NELL1: variants seen among roughly 807,000 people sequenced by gnomAD.
The protein encoded by NELL1 is neural EGFL like 1.
A neutral mutation model predicts 107.4 loss-of-function variants in NELL1; 76 were observed. The ratio of observed to expected loss-of-function variants is 0.71; its 90% confidence interval spans 0.59 to 0.86. The LOEUF (loss-of-function observed/expected upper bound fraction) is 0.86. Ranked by LOEUF, NELL1 falls within the 40% of genes least tolerant of loss-of-function variation. NELL1 has a pLI of 0.00. For missense variants in NELL1, 1,024 were observed against 1,005.5 expected, an observed-to-expected ratio of 1.02 and a Z score of -0.25; for synonymous variants, 353 against 341.2, an observed-to-expected ratio of 1.03 and a Z score of -0.38.
intron 13 of NELL1, among the ~76,000 whole-genome samples, chr11:21,205,206 G>A (rs895859868): frequency 2.8e-4 from 43 of 152,182 alleles, no homozygotes; most frequent in Admixed American, 2.0e-4. Flanking sequence ...TTGAAGATGC[G>A]CCCACAGCCA....
chr11:20,755,865 GTTTTTTT>G (rs574606148), intron 2 of NELL1, among the ~76,000 whole-genome samples: 2 of 122,068 alleles, frequency 1.6e-5, no homozygotes, highest in Admixed American at 8.3e-5. Context: ...CAGACCTGCG[GTTTTTTT>G]TTTTTTTTTT....
chr11:20,783,522 T>C, intron 2 of NELL1, 158 bp from the exon 3 acceptor site: 1 of 546,116 alleles, frequency 1.8e-6, no homozygotes. Flanking sequence ...AAATGAAACT[T>C]GCAATCTGGA....
chr11:21,306,732 A>G (rs1156847091), intron 14 of NELL1, among the ~76,000 whole-genome samples: 1 of 152,064 alleles, frequency 6.6e-6, no homozygotes, highest in Non-Finnish European at 1.5e-5. Flanking sequence ...ATCAAGGTAC[A>G]CGGAAACTAT....
At chr11:20,962,697 G>A (rs1851314009) in intron 12 of NELL1, among the ~76,000 whole-genome samples, 1 of 152,216 alleles carries the variant, frequency 6.6e-6, no homozygotes, top group East Asian at 1.9e-4. Context: ...ATGCTGAGTG[G>A]ATTTTAGGTC....
At chr11:21,435,939 A>G (rs775747624) in intron 15 of NELL1, among the ~76,000 whole-genome samples, 11 of 152,128 alleles carry the variant, frequency 7.2e-5, no homozygotes, top group Admixed American at 3.3e-4. Flanking sequence ...TTTAAATTTT[A>G]ATAGAATTCA....
At chr11:20,896,345 A>C (rs909095524) in intron 5 of NELL1, among the ~76,000 whole-genome samples, 1 of 152,170 alleles carries the variant, frequency 6.6e-6, no homozygotes, top group Non-Finnish European at 1.5e-5. Flanking sequence ...TAGTATTTAT[A>C]TATACATGCC....
chr11:21,492,631 A>T (rs1460361295), intron 15 of NELL1, among the ~76,000 whole-genome samples: 1 of 151,644 alleles, frequency 6.6e-6, no homozygotes. Flanking sequence ...CATTCTCAGT[A>T]AACTATCGCA....
intron 2 of NELL1, among the ~76,000 whole-genome samples, chr11:20,684,756 AG>A (rs1455950637): frequency 1.1e-4 from 17 of 152,142 alleles, no homozygotes; most frequent in Admixed American, 7.2e-4. Flanking sequence ...CCTACTTTAA[AG>A]GTTTGTTAGA....
At chr11:20,975,816 A>T (rs983948183) in intron 12 of NELL1, among the ~76,000 whole-genome samples, 1 of 133,214 alleles carries the variant, frequency 7.5e-6, no homozygotes, top group African/African-American at 2.8e-5. Context: ...TACATATTAT[A>T]TATGTATTAT....
chr11:20,814,564 C>T (rs921519971), intron 3 of NELL1, among the ~76,000 whole-genome samples: 2 of 152,202 alleles, frequency 1.3e-5, no homozygotes, highest in Admixed American at 6.5e-5. Context: ...GTTTTCTATT[C>T]TTGTGTTAAT....
chr11:21,036,184 T>C (rs1853088242), intron 12 of NELL1, among the ~76,000 whole-genome samples: 2 of 151,706 alleles, frequency 1.3e-5, no homozygotes, highest in Non-Finnish European at 2.9e-5. Context: ...ACCAGGGAGG[T>C]GAAAGATCTC....
intron 15 of NELL1, among the ~76,000 whole-genome samples, chr11:21,476,611 C>T (rs1854339184): frequency 6.6e-6 from 1 of 152,084 alleles, no homozygotes; most frequent in East Asian, 1.9e-4. Flanking sequence ...AAAGGAGGAA[C>T]CTTCATAAGA....
At chr11:21,356,571 T>C (rs1850938690) in intron 14 of NELL1, among the ~76,000 whole-genome samples, 1 of 152,170 alleles carries the variant, frequency 6.6e-6, no homozygotes, top group African/African-American at 2.4e-5. Flanking sequence ...TGTTTTAGAC[T>C]CAAAGATCCT....
intron 7 of NELL1, among the ~76,000 whole-genome samples, chr11:20,920,007 C>A (rs904926268): frequency 6.6e-6 from 1 of 152,098 alleles, no homozygotes; most frequent in Admixed American, 6.6e-5. Context: ...TATGTTCATA[C>A]TGAGTGGCGG....
intron 15 of NELL1, among the ~76,000 whole-genome samples, chr11:21,481,128 T>C (rs1186649903): frequency 6.6e-6 from 1 of 152,184 alleles, no homozygotes; most frequent in African/African-American, 2.4e-5. Context: ...TAATAAGTGC[T>C]CAATAAATGA....
At chr11:21,094,167 A>G (rs1854587069) in intron 12 of NELL1, among the ~76,000 whole-genome samples, 1 of 152,224 alleles carries the variant, frequency 6.6e-6, no homozygotes, top group Non-Finnish European at 1.5e-5. Flanking sequence ...CAAAGGGGCT[A>G]CAGGCCCCAT....
chr11:21,209,368 TA>T (rs1220337108), intron 13 of NELL1, among the ~76,000 whole-genome samples: 2 of 149,416 alleles, frequency 1.3e-5, no homozygotes, highest in Non-Finnish European at 3.0e-5. Context: ...AATTACTTCT[TA>T]CCCCCATATT....
chr11:21,404,014 C>CCG (rs1440980198), intron 15 of NELL1, among the ~76,000 whole-genome samples: 9 of 116,540 alleles, frequency 7.7e-5, no homozygotes, highest in South Asian at 4.2e-4. Context: ...AACCCCCCCC[C>CCG]CCGCAATCAA....
At chr11:21,201,523 T>A (rs1298696272) in intron 13 of NELL1, among the ~76,000 whole-genome samples, 4 of 152,218 alleles carry the variant, frequency 2.6e-5, no homozygotes, top group African/African-American at 9.6e-5. Context: ...AAGGAGGTTT[T>A]GGGCAGAGAT....
Sources: allele counts gnomAD v4.1 joint callset (sites outside exome capture counted in the v4.1 genomes callset), GRCh38; gene constraint gnomAD v4.1.1; transcripts MANE v1.5; gene names NCBI Gene and HGNC (gene_info 2026-07-23, HGNC 2026-07-21).